STX18: variants seen among roughly 807,000 people sequenced by gnomAD.
The protein encoded by STX18 is syntaxin-18.
STX18 carries 40 observed loss-of-function variants against 50.1 expected under a neutral mutation model. That is an observed-to-expected ratio of 0.80 (90% CI 0.62 to 1.04). The LOEUF (loss-of-function observed/expected upper bound fraction) is 1.04, where lower values mean the gene tolerates loss of function less well. STX18 is among the 50% of genes least tolerant of loss of function. STX18 has a pLI of 0.00. For missense variants in STX18, 410 were observed against 415.8 expected (o/e 0.99, Z 0.12); for synonymous variants, 158 against 151.8 (o/e 1.04, Z -0.30).
At chr4:4,527,334 G>A (rs746544990) in intron 1 of STX18, among the ~76,000 whole-genome samples, 33 of 152,202 alleles carry the variant, frequency 2.2e-4, no homozygotes, top group Non-Finnish European at 3.1e-4. Flanking sequence ...AGGGTTGAGT[G>A]TGGGTAATAA....
At chr4:4,446,892 A>T (rs909014837) in intron 5 of STX18, among the ~76,000 whole-genome samples, 4 of 152,250 alleles carry the variant, frequency 2.6e-5, no homozygotes, top group Non-Finnish European at 4.4e-5. Flanking sequence ...GGAACACCTA[A>T]ATGTCCACCA....
intron 1 of STX18, among the ~76,000 whole-genome samples, chr4:4,472,240 T>C (rs1727956670): frequency 6.6e-6 from 1 of 152,182 alleles, no homozygotes; most frequent in African/African-American, 2.4e-5. Context: ...AACTCAAAGA[T>C]ACAGGTACAA....
intron 1 of STX18, among the ~76,000 whole-genome samples, chr4:4,511,117 C>A (rs908640231): frequency 6.6e-6 from 1 of 152,108 alleles, no homozygotes; most frequent in Non-Finnish European, 1.5e-5. Flanking sequence ...CACATGTATA[C>A]CTATGTAACA....
intron 1 of STX18, among the ~76,000 whole-genome samples, chr4:4,482,922 T>C (rs907873741): frequency 1.6e-4 from 24 of 152,216 alleles, no homozygotes; most frequent in African/African-American, 5.1e-4. Context: ...AAAAGTATAA[T>C]CAATAGCTAA....
chr4:4,443,336 T>C (rs530391499), intron 5 of STX18, among the ~76,000 whole-genome samples: 1 of 152,362 alleles, frequency 6.6e-6, no homozygotes, highest in East Asian at 1.9e-4. Context: ...AAATAGAATG[T>C]ATACCTTTAT....
intron 8 of STX18, 88 bp from the exon 9 acceptor site, chr4:4,423,675 C>T: frequency 7.4e-7 from 1 of 1,350,432 alleles, no homozygotes; most frequent in African/African-American, 1.9e-5. Context: ...ATCCTATCTT[C>T]TACGTGAAGG....
intron 1 of STX18, among the ~76,000 whole-genome samples, chr4:4,506,669 T>C (rs938207375): frequency 6.6e-6 from 1 of 152,156 alleles, no homozygotes; most frequent in Admixed American, 6.5e-5. Flanking sequence ...AAGGATAGCA[T>C]TGAACTCTAT....
chr4:4,450,155 C>T (rs764217801), intron 5 of STX18, among the ~76,000 whole-genome samples: 7 of 152,162 alleles, frequency 4.6e-5, no homozygotes, highest in East Asian at 1.9e-4. Context: ...TTCATACACG[C>T]GTATAAATGT....
At chr4:4,482,895 G>GGCCATCT (rs1728529447) in intron 1 of STX18, among the ~76,000 whole-genome samples, 1 of 152,090 alleles carries the variant, frequency 6.6e-6, no homozygotes, top group Non-Finnish European at 1.5e-5. Context: ...AAATAAATAA[G>GGCCATCT]GCCATCTTAA....
intron 1 of STX18, among the ~76,000 whole-genome samples, chr4:4,497,190 C>A (rs1263319257): frequency 6.6e-6 from 1 of 152,226 alleles, no homozygotes; most frequent in Non-Finnish European, 1.5e-5. Flanking sequence ...CTCCCCAGTA[C>A]AAGGTCTCCT....
chr4:4,521,630 A>G (rs1253749890), intron 1 of STX18, among the ~76,000 whole-genome samples: 1 of 152,182 alleles, frequency 6.6e-6, no homozygotes, highest in African/African-American at 2.4e-5. Flanking sequence ...TAGAAAGGGT[A>G]TTTAAAATTA....
intron 1 of STX18, among the ~76,000 whole-genome samples, chr4:4,538,891 C>T (rs781414145): frequency 1.3e-5 from 2 of 151,972 alleles, no homozygotes; most frequent in Non-Finnish European, 2.9e-5. Context: ...TGGAGTTGTT[C>T]GAATAATATA....
chr4:4,517,973 C>G lies in STX18; in HGVS notation c.168+23824G>C, dbSNP rs182145658. Among the ~76,000 whole-genome samples, 590 of 152,156 alleles carry G rather than the reference C, an allele frequency of 3.9e-3. 7 individuals are homozygous for G. The highest frequency in any genetic ancestry group is 0.027 in the Middle Eastern group (8 of 294). On this transcript the variant is annotated intron_variant, in intron 1 of 10. Transcript: ENST00000306200. Reference sequence around the variant, plus strand: ...TATTTTTAGTAGAGACGAGGTTTCACCATGTTGGCCAGGCTGGTCTCAAAC... The same window carrying G: ...TATTTTTAGTAGAGACGAGGTTTCAGCATGTTGGCCAGGCTGGTCTCAAAC...
At chr4:4,524,099 C>T (rs1472133494) in intron 1 of STX18, among the ~76,000 whole-genome samples, 1 of 152,182 alleles carries the variant, frequency 6.6e-6, no homozygotes, top group Non-Finnish European at 1.5e-5. Context: ...CACGTTTGTA[C>T]ACCTAATACC....
chr4:4,425,433 G>T (rs1474167969), intron 7 of STX18: 1 of 603,126 alleles, frequency 1.7e-6, no homozygotes, highest in East Asian at 2.8e-5. Flanking sequence ...GTGCTGCCTG[G>T]TAATTGACTT....
rs1000859872 is a variant in STX18, at chr4:4,457,595, A to G, written c.353-95T>C. On this transcript the variant is annotated intron_variant, in intron 3 of 10. Coordinates refer to ENST00000306200, the MANE Select transcript of STX18 (RefSeq NM_016930.4). ...TCACAACACTTTCTTTATTGAGAGT[A>G]TTTTTTAAAACACAGCTATAAAACA... is the stretch of plus-strand genomic sequence containing the variant. 3 of 918,968 alleles carry G rather than the reference A, an allele frequency of 3.3e-6. No individual in the cohort carries two copies. In the African/African-American group the frequency reaches 5.0e-5, roughly 15 times the overall value. The allele number at this position is 918,968 out of a possible 1,614,324, so 56.9% of individuals were successfully genotyped here. A position where few individuals can be genotyped will look rare whatever the true frequency, so the allele number is the denominator to read the frequency against.
intron 5 of STX18, among the ~76,000 whole-genome samples, chr4:4,451,129 T>G (rs73086242): frequency 1.9e-3 from 286 of 152,346 alleles, no homozygotes; most frequent in African/African-American, 6.7e-3. Context: ...TTATGCCCCA[T>G]GATTTATTTA....
intron 1 of STX18, among the ~76,000 whole-genome samples, chr4:4,474,404 A>C (rs1728072067): frequency 6.6e-6 from 1 of 152,188 alleles, no homozygotes; most frequent in Non-Finnish European, 1.5e-5. Context: ...GGTACTGAAT[A>C]ATCCCAGAAG....
chr4:4,514,191 A>T (rs1444492317), intron 1 of STX18, among the ~76,000 whole-genome samples: 1 of 152,216 alleles, frequency 6.6e-6, no homozygotes, highest in Non-Finnish European at 1.5e-5. Flanking sequence ...AGAATCATGA[A>T]GAAAAGGATA....
Sources: gnomAD v4.1 joint callset for allele counts (sites outside exome capture counted in the v4.1 genomes callset) on GRCh38, gnomAD v4.1.1 for gene constraint, MANE v1.5 for transcripts, NCBI Gene and HGNC (gene_info 2026-07-23, HGNC 2026-07-21) for gene names.